The following GLI3 variants were observed in gnomAD, a reference collection of about 807,000 sequenced individuals.
GLI3 encodes the protein GLI family zinc finger 3, also known as transcription activator GLI3.
In GLI3, 20 loss-of-function variants were observed where a neutral mutation model predicts 100.8. The observed-to-expected ratio is 0.20, with a 90% CI of 0.14 to 0.29. The LOEUF (loss-of-function observed/expected upper bound fraction) is 0.29. Among genes scored for constraint, GLI3 ranks in the 10% least tolerant of loss-of-function variants. GLI3 has a pLI of 1.00. For synonymous variants in GLI3, 938 were observed against 860.5 expected (o/e 1.09, Z -1.58); for missense variants, 2,040 against 2,128.5 (o/e 0.96, Z 0.82).
chr7:42,132,366 C>T (rs372878061), intron 3 of GLI3, among the ~76,000 whole-genome samples: 7 of 152,278 alleles, frequency 4.6e-5, no homozygotes, highest in Admixed American at 2.0e-4. Flanking sequence ...TCCCAAAGTG[C>T]TGGGATTACA....
At chr7:42,003,900 A>G (rs1788379732) in intron 10 of GLI3, among the ~76,000 whole-genome samples, 2 of 152,334 alleles carry the variant, frequency 1.3e-5, no homozygotes, top group African/African-American at 4.8e-5. Flanking sequence ...AATCTCAGTC[A>G]TAACAATGTG....
chr7:42,172,023 T>C (rs577559210), intron 2 of GLI3, among the ~76,000 whole-genome samples: 27 of 151,572 alleles, frequency 1.8e-4, no homozygotes, highest in Non-Finnish European at 1.2e-4. Flanking sequence ...TCTGCTCTCA[T>C]GCATGAGATC....
At chr7:42,240,075 A>G (rs908077157), upstream of GLI3, among the ~76,000 whole-genome samples, 5 of 152,168 alleles carry the variant, frequency 3.3e-5, no homozygotes, top group Admixed American at 2.6e-4. Flanking sequence ...GACATCTGTA[A>G]AAACCCAAAG....
intron 3 of GLI3, among the ~76,000 whole-genome samples, chr7:42,130,171 C>T (rs1025251541): frequency 1.1e-4 from 17 of 152,106 alleles, no homozygotes; most frequent in Admixed American, 8.5e-4. Flanking sequence ...TTCGTTCTGG[C>T]ATGTGGAGAA....
intron 5 of GLI3, among the ~76,000 whole-genome samples, chr7:42,047,395 G>T (rs17171998): frequency 0.012 from 1,774 of 152,268 alleles, 36 homozygotes; most frequent in African/African-American, 0.041. Flanking sequence ...TGTGGATAGG[G>T]CATGGAAGTC....
intron 3 of GLI3, among the ~76,000 whole-genome samples, chr7:42,146,394 G>C (rs1786710009): frequency 6.6e-6 from 1 of 152,064 alleles, no homozygotes; most frequent in Admixed American, 6.5e-5. Flanking sequence ...GCCCCTCAGA[G>C]GACGGGAAGA....
intron 3 of GLI3, among the ~76,000 whole-genome samples, chr7:42,105,493 GAAGT>G (rs1224330400): frequency 1.3e-5 from 2 of 152,180 alleles, no homozygotes; most frequent in African/African-American, 2.4e-5. Context: ...GAAGCGAAAG[GAAGT>G]AAGAGGAAAA....
intron 2 of GLI3, among the ~76,000 whole-genome samples, chr7:42,205,940 A>AGCAAGG (rs1788142597): frequency 1.3e-5 from 2 of 152,200 alleles, no homozygotes; most frequent in African/African-American, 4.8e-5. Context: ...ATTACAATAA[A>AGCAAGG]GCCCAATAAG....
chr7:42,074,301 G>A (rs1784837185), intron 4 of GLI3, among the ~76,000 whole-genome samples: 1 of 152,198 alleles, frequency 6.6e-6, no homozygotes, highest in Admixed American at 6.5e-5. Flanking sequence ...GCACAAGTGA[G>A]TGGCAACACA....
chr7:42,053,042 T>G (rs1583513125), intron 4 of GLI3, among the ~76,000 whole-genome samples: 1 of 152,198 alleles, frequency 6.6e-6, no homozygotes, highest in South Asian at 2.1e-4. Flanking sequence ...TTGCCCGGGC[T>G]GGAGTGCAGT....
chr7:42,132,927 C>A (rs1786330177), intron 3 of GLI3, among the ~76,000 whole-genome samples: 2 of 150,770 alleles, frequency 1.3e-5, no homozygotes, highest in South Asian at 4.2e-4. Flanking sequence ...AAAAAAAAAA[C>A]ACAAGTAATC....
At chr7:42,038,420 G>A (rs538776281) in intron 7 of GLI3, among the ~76,000 whole-genome samples, 1 of 152,358 alleles carries the variant, frequency 6.6e-6, no homozygotes, top group South Asian at 2.1e-4. Context: ...TTCCTGTATA[G>A]AGGGTGTCTT....
At position 42,023,502 on chromosome 7, in the gene GLI3, G is replaced by A. The variant is rs750911975; in HGVS notation, c.1463C>T (p.Ala488Val). 49 of 1,613,906 alleles carry A rather than the reference G, an allele frequency of 3.0e-5. No individual in the cohort carries two copies. In the Admixed American group the frequency reaches 5.5e-4, roughly 18 times the overall value. Reference sequence around the variant, plus strand: ...CTGCTCTTGGGTGTCGAACTCCCTCGCGCAGCCTTCCCAGTGGCAGTTTGT... The same window carrying A: ...CTGCTCTTGGGTGTCGAACTCCCTCACGCAGCCTTCCCAGTGGCAGTTTGT... ...YETNCHWEGC[A>V]REFDTQEQLV... Residue 488 changes from alanine to valine, a missense_variant, in exon 10 of 15, where the codon GCG (alanine) becomes GTG (valine). Ala to Val is a moderately conservative substitution (Grantham distance 64, BLOSUM62 0). Coordinates refer to ENST00000395925, the MANE Select transcript of GLI3 (RefSeq NM_000168.6).
intron 3 of GLI3, among the ~76,000 whole-genome samples, chr7:42,093,786 G>C (rs988506931): frequency 3.9e-5 from 6 of 152,100 alleles, no homozygotes; most frequent in Non-Finnish European, 8.8e-5. Context: ...AAGAGCTAGA[G>C]AACACTCCTG....
chr7:42,206,015 C>T (rs1245083282), intron 2 of GLI3, among the ~76,000 whole-genome samples: 2 of 152,154 alleles, frequency 1.3e-5, no homozygotes, highest in Non-Finnish European at 2.9e-5. Flanking sequence ...TGCCTGTAAT[C>T]CCAGCACTTT....
intron 4 of GLI3, among the ~76,000 whole-genome samples, chr7:42,071,734 C>G (rs1194446959): frequency 6.6e-6 from 1 of 152,132 alleles, no homozygotes; most frequent in African/African-American, 2.4e-5. Flanking sequence ...TATTCATATG[C>G]CAAACTTGCC....
At chr7:42,213,435 A>G (rs1407830101) in intron 2 of GLI3, among the ~76,000 whole-genome samples, 1 of 152,148 alleles carries the variant, frequency 6.6e-6, no homozygotes, top group Non-Finnish European at 1.5e-5. Context: ...TAGCAGTCTA[A>G]TTGAGTTTCG....
intron 10 of GLI3, among the ~76,000 whole-genome samples, chr7:42,003,650 A>G (rs534329533): frequency 1.1e-4 from 16 of 152,338 alleles, no homozygotes; most frequent in Admixed American, 1.0e-3. Context: ...ATTCATTCAA[A>G]TATGACCCAA....
rs969452934 is a variant in GLI3 at position 41,961,107 on chromosome 7, G to A, written c.*3223C>T. Reference sequence around the variant, plus strand: ...GCGTGATCACGGGGAATGCAGGCTTGTCCGAGGAACGCCTGGGCCAGTCAC... The same window carrying A: ...GCGTGATCACGGGGAATGCAGGCTTATCCGAGGAACGCCTGGGCCAGTCAC... On this transcript the variant is annotated 3_prime_UTR_variant, in exon 15 of 15. Transcript: ENST00000395925. 1 of 152,590 alleles carries A rather than the reference G, an allele frequency of 6.6e-6. No homozygotes were observed. Among genetic ancestry groups the A allele is most frequent in the African/African-American group, 2.4e-5 (1 of 41,426 alleles). 9.5% of individuals were successfully genotyped at this position (152,590 alleles called of 1,614,324 possible).
Sources: allele counts gnomAD v4.1 joint callset (sites outside exome capture counted in the v4.1 genomes callset), GRCh38; gene constraint gnomAD v4.1.1; transcripts MANE v1.5; gene names NCBI Gene and HGNC (gene_info 2026-07-23, HGNC 2026-07-21).